Variants in CLSTN2 observed in about 807,000 individuals in gnomAD.
CLSTN2 encodes calsyntenin-2.
CLSTN2 carries 48 observed loss-of-function variants against 101.2 expected under a neutral mutation model. That is an observed-to-expected ratio of 0.47 (90% CI 0.38 to 0.60). The LOEUF (loss-of-function observed/expected upper bound fraction) is 0.60, where lower values mean the gene tolerates loss of function less well. Among genes scored for constraint, CLSTN2 ranks in the 20% least tolerant of loss-of-function variants. The pLI, the probability that CLSTN2 is intolerant of heterozygous loss-of-function variation, is 0.00. For synonymous variants in CLSTN2, 481 were observed against 463.6 expected, an observed-to-expected ratio of 1.04 and a Z score of -0.48; for missense variants, 1,160 against 1,238.2, an observed-to-expected ratio of 0.94 and a Z score of 0.95.
At chr3:140,146,022 CT>C (rs2009776246) in intron 1 of CLSTN2, among the ~76,000 whole-genome samples, 2 of 152,314 alleles carry the variant, frequency 1.3e-5, no homozygotes, top group South Asian at 4.1e-4. Flanking sequence ...TCATAAAATG[CT>C]TGGAGCCACA....
chr3:140,553,679 G>A (rs1935749033), intron 10 of CLSTN2, among the ~76,000 whole-genome samples: 1 of 152,198 alleles, frequency 6.6e-6, no homozygotes. Flanking sequence ...GCAAGCCACT[G>A]AAGTGGAGGA....
intron 1 of CLSTN2, among the ~76,000 whole-genome samples, chr3:140,171,627 T>TGTATTATATATTATATATAATAC (rs1559797082): frequency 3.9e-5 from 5 of 126,862 alleles, no homozygotes; most frequent in Non-Finnish European, 6.3e-5. Flanking sequence ...TTATATAATA[T>TGTATTATATATTATATATAATAC]GTATTATATA....
chr3:140,245,641 G>A (rs923374725), intron 2 of CLSTN2, among the ~76,000 whole-genome samples: 5 of 125,892 alleles, frequency 4.0e-5, no homozygotes, highest in South Asian at 3.1e-4. Context: ...ATGCCCCAGA[G>A]ACCATTAGCT....
At chr3:140,195,132 A>T (rs577746118) in intron 2 of CLSTN2, among the ~76,000 whole-genome samples, 1 of 152,290 alleles carries the variant, frequency 6.6e-6, no homozygotes, top group Admixed American at 6.5e-5. Context: ...CTCTTTGCTG[A>T]CCTGGGTAGG....
chr3:139,991,113 A>G (rs761226366), intron 1 of CLSTN2, among the ~76,000 whole-genome samples: 3 of 152,212 alleles, frequency 2.0e-5, no homozygotes, highest in Non-Finnish European at 2.9e-5. Flanking sequence ...TGTTGGTTTT[A>G]TCTTATTTGG....
rs765719211 is a variant in CLSTN2 at position 140,466,669 on chromosome 3, C to T, written c.1282C>T (p.Arg428Trp). 4.3e-6 allele frequency: 7 copies of T among 1,614,150 alleles called. No homozygotes were observed. The highest frequency in any genetic ancestry group is 2.7e-5 in the African/African-American group (2 of 75,046). ...CAACTGCCGCCTCGTCTTTCTCTTG[C>T]GGAAGGACTTCGACCAGGCTGACAC... The part of the protein sequence containing the change: ...VHNCRLVFLL[R>W]KDFDQADTFR... Residue 428 changes from arginine to tryptophan, a missense_variant, in exon 8 of 17, where the codon CGG becomes TGG. Coordinates refer to ENST00000458420, the MANE Select transcript of CLSTN2 (RefSeq NM_022131.3).
chr3:140,378,644 G>A (rs2087946017), intron 2 of CLSTN2, among the ~76,000 whole-genome samples: 1 of 152,214 alleles, frequency 6.6e-6, no homozygotes, highest in Admixed American at 6.5e-5. Flanking sequence ...GAAAGCAACA[G>A]GGAGGTTGTG....
At chr3:140,153,560 G>A (rs1477672397) in intron 1 of CLSTN2, among the ~76,000 whole-genome samples, 1 of 152,258 alleles carries the variant, frequency 6.6e-6, no homozygotes, top group South Asian at 2.1e-4. Context: ...GACAGTGGGG[G>A]ACGGGGTGGT....
At chr3:140,138,518 G>A (rs554192004) in intron 1 of CLSTN2, among the ~76,000 whole-genome samples, 3 of 152,192 alleles carry the variant, frequency 2.0e-5, no homozygotes, top group African/African-American at 7.2e-5. Context: ...TAATAATGGG[G>A]CTGTGGAAAG....
At position 140,562,362 on chromosome 3, in the gene CLSTN2, T is replaced by C. The variant is rs954366566; in HGVS notation, c.2212+54T>C. On this transcript the variant is annotated intron_variant, in intron 13 of 16. Transcript: ENST00000458420. Reference sequence around the variant, plus strand: ...CAAGGGTGTCCTCTTAGAATGTCCTTGTCCAGGGAGACATGAGTGAGATTG... The same window carrying C: ...CAAGGGTGTCCTCTTAGAATGTCCTCGTCCAGGGAGACATGAGTGAGATTG... 10 of 1,524,294 alleles carry C rather than the reference T, an allele frequency of 6.6e-6. No individual in the cohort carries two copies. The African/African-American group carries it at 1.4e-4, about 21-fold the overall frequency. 94.4% of individuals were successfully genotyped at this position (1,524,294 alleles called of 1,614,324 possible).
At chr3:140,512,128 C>T (rs1332184185) in intron 8 of CLSTN2, among the ~76,000 whole-genome samples, 2 of 151,822 alleles carry the variant, frequency 1.3e-5, no homozygotes, top group South Asian at 2.1e-4. Flanking sequence ...CTGTGCAGCT[C>T]TTCAGTTTAA....
At chr3:139,945,977 T>A (rs1445749410) in intron 1 of CLSTN2, among the ~76,000 whole-genome samples, 1 of 152,192 alleles carries the variant, frequency 6.6e-6, no homozygotes, top group Non-Finnish European at 1.5e-5. Context: ...TAAATTAGAT[T>A]AACCTTTTTA....
At chr3:140,384,024 G>C (rs1313936388) in intron 2 of CLSTN2, among the ~76,000 whole-genome samples, 2 of 152,198 alleles carry the variant, frequency 1.3e-5, no homozygotes, top group Non-Finnish European at 2.9e-5. Flanking sequence ...CCAGGGCCTA[G>C]GTAATCTACA....
chr3:140,046,279 G>A (rs531437013), intron 1 of CLSTN2, among the ~76,000 whole-genome samples: 3 of 152,060 alleles, frequency 2.0e-5, no homozygotes, highest in Non-Finnish European at 4.4e-5. Flanking sequence ...GGCCTTCTTT[G>A]TCTCTTTTGA....
intron 1 of CLSTN2, among the ~76,000 whole-genome samples, chr3:140,021,226 T>C (rs1196895481): frequency 1.3e-5 from 2 of 152,130 alleles, no homozygotes; most frequent in African/African-American, 4.8e-5. Context: ...TATTACACAC[T>C]CTTAAGTACT....
At chr3:140,208,811 T>C (rs1042834476) in intron 2 of CLSTN2, among the ~76,000 whole-genome samples, 2 of 152,212 alleles carry the variant, frequency 1.3e-5, no homozygotes, top group African/African-American at 4.8e-5. Flanking sequence ...GCCGTGTGAC[T>C]TGTTCTCTGT....
intron 9 of CLSTN2, 36 bp downstream of exon 9, chr3:140,532,522 T>C: frequency 6.3e-7 from 1 of 1,575,006 alleles, no homozygotes; most frequent in Non-Finnish European, 8.7e-7. Flanking sequence ...CTGACCTGTT[T>C]GTGAATAGTT....
chr3:140,257,875 C>T (rs535296335), intron 2 of CLSTN2, among the ~76,000 whole-genome samples: 1 of 151,946 alleles, frequency 6.6e-6, no homozygotes, highest in Non-Finnish European at 1.5e-5. Flanking sequence ...AGATAAAGTC[C>T]CAATAGACAA....
intron 8 of CLSTN2, among the ~76,000 whole-genome samples, chr3:140,473,974 C>A (rs1251904602): frequency 2.0e-5 from 3 of 152,038 alleles, no homozygotes; most frequent in Non-Finnish European, 2.9e-5. Flanking sequence ...CAAGGTTTCA[C>A]CGTGTTGGCC....
Sources: allele counts gnomAD v4.1 joint callset (sites outside exome capture counted in the v4.1 genomes callset), GRCh38; gene constraint gnomAD v4.1.1; transcripts MANE v1.5; gene names NCBI Gene and HGNC (gene_info 2026-07-23, HGNC 2026-07-21).